PHACTR1: variants seen among roughly 807,000 people sequenced by gnomAD.
The protein encoded by PHACTR1 is phosphatase and actin regulator 1, also known as RPEL repeat containing 1.
A neutral mutation model predicts 69.2 loss-of-function variants in PHACTR1; 16 were observed. The observed-to-expected ratio is 0.23, with a 90% CI of 0.16 to 0.35. The LOEUF is 0.35. Among genes scored for constraint, PHACTR1 ranks in the 10% least tolerant of loss-of-function variants. The probability of loss-of-function intolerance (pLI) is 1.00; values close to 1 mark genes in which losing one functional copy is unlikely to be tolerated. For synonymous variants in PHACTR1, 312 were observed against 284.5 expected (o/e 1.10, Z -0.97); for missense variants, 510 against 734.7 (o/e 0.69, Z 3.54).
intron 4 of PHACTR1, among the ~76,000 whole-genome samples, chr6:12,884,601 C>T (rs1169628443): frequency 3.3e-5 from 5 of 152,120 alleles, no homozygotes; most frequent in Non-Finnish European, 5.9e-5. Flanking sequence ...CAGGGTTTCA[C>T]CATGTTAGCC....
rs556545672 is a variant in PHACTR1, at chr6:12,930,902, T to C, written c.251-122463T>C. Among the ~76,000 whole-genome samples, 23 of 150,232 alleles carry C rather than the reference T, an allele frequency of 1.5e-4. 1 individual carries two copies. In the South Asian group the frequency reaches 4.6e-3, roughly 30 times the overall value. The stretch of plus-strand genomic sequence containing the variant: ...CCCATCTCTACTAAAAATACAAAAA[T>C]TAGCTGGGCATGGTGGCACATGCCT... On this transcript the variant is annotated intron_variant, in intron 4 of 14. Transcript: ENST00000332995.
At chr6:12,856,648 A>G in intron 4 of PHACTR1, among the ~76,000 whole-genome samples, 1 of 152,212 alleles carries the variant, frequency 6.6e-6, no homozygotes, top group Non-Finnish European at 1.5e-5. Context: ...CTGTGATTAC[A>G]GCGAATCCCA....
chr6:12,865,621 G>T (rs550294343), intron 4 of PHACTR1, among the ~76,000 whole-genome samples: 1 of 152,250 alleles, frequency 6.6e-6, no homozygotes, highest in Admixed American at 6.5e-5. Flanking sequence ...CTGTAACAAA[G>T]CTTCACCATT....
rs74780254 is a variant in PHACTR1, at chr6:12,843,820, C to T, written c.250+94030C>T. Among the ~76,000 whole-genome samples the T allele has an allele frequency of 8.1e-4, 124 of 152,296 alleles. 2 individuals are homozygous for T. The East Asian group carries it at 0.023, about 29-fold the overall frequency. On this transcript the variant is annotated intron_variant, in intron 4 of 14. Coordinates refer to ENST00000332995, the MANE Select transcript of PHACTR1 (RefSeq NM_030948.6). ...ATCAATCAATAAAGTTCCCTTTACTCTTCACTGAAAACAGGTCAAGTCTGT... is the reference window on the plus strand; with the variant it reads ...ATCAATCAATAAAGTTCCCTTTACTTTTCACTGAAAACAGGTCAAGTCTGT...
intron 7 of PHACTR1, among the ~76,000 whole-genome samples, chr6:13,184,624 C>T (rs537656151): frequency 6.6e-6 from 1 of 152,350 alleles, no homozygotes; most frequent in South Asian, 2.1e-4. Flanking sequence ...CTCTGTCCTC[C>T]TGCTTCACTG....
intron 5 of PHACTR1, among the ~76,000 whole-genome samples, chr6:13,113,859 T>C (rs1227263986): frequency 6.6e-6 from 1 of 152,164 alleles, no homozygotes; most frequent in Non-Finnish European, 1.5e-5. Context: ...AAGACTAAAG[T>C]TGTAAGGCTG....
intron 5 of PHACTR1, among the ~76,000 whole-genome samples, chr6:13,104,331 A>G (rs1311669592): frequency 1.3e-5 from 2 of 152,220 alleles, no homozygotes; most frequent in African/African-American, 4.8e-5. Flanking sequence ...TGTTTTATGT[A>G]ATCTGGTGAA....
chr6:13,182,645 C>T lies in PHACTR1; in HGVS notation c.623C>T (p.Ser208Leu), dbSNP rs756458588. Reference sequence around the variant, plus strand: ...GTCCCAATGCCCAGGGATCCCTGCTCATATGAGGTGCTCCAACCGTCAGAC... The same window carrying T: ...GTCCCAATGCCCAGGGATCCCTGCTTATATGAGGTGCTCCAACCGTCAGAC... ...EPVPMPRDPC[S>L]YEVLQPSDIM... Residue 208 changes from serine to leucine, a missense_variant, in exon 7 of 15, where the codon TCA becomes TTA. Transcript: ENST00000332995. 4 of 1,597,038 alleles carry T rather than the reference C, an allele frequency of 2.5e-6. No homozygotes were observed. The highest frequency in any genetic ancestry group is 2.2e-5 in the East Asian group (1 of 44,550).
intron 4 of PHACTR1, among the ~76,000 whole-genome samples, chr6:12,935,595 C>T (rs1789356610): frequency 6.6e-6 from 1 of 151,802 alleles, no homozygotes; most frequent in Non-Finnish European, 1.5e-5. Context: ...GCATCTCAGA[C>T]AGTGACATAG....
intron 4 of PHACTR1, among the ~76,000 whole-genome samples, chr6:12,891,182 T>TG (rs892700983): frequency 6.6e-6 from 1 of 152,178 alleles, no homozygotes; most frequent in Non-Finnish European, 1.5e-5. Flanking sequence ...CAATTTTTCT[T>TG]GGGGGGATAA....
At chr6:12,921,854 G>A (rs1787760097) in intron 4 of PHACTR1, among the ~76,000 whole-genome samples, 1 of 142,234 alleles carries the variant, frequency 7.0e-6, no homozygotes, top group Admixed American at 7.0e-5. Flanking sequence ...AGGGAGGCAG[G>A]AAGGCAAGAA....
intron 4 of PHACTR1, among the ~76,000 whole-genome samples, chr6:12,773,470 G>A (rs1172179670): frequency 6.6e-6 from 1 of 152,134 alleles, no homozygotes; most frequent in African/African-American, 2.4e-5. Context: ...TTTAAACAAT[G>A]TATCGCTTCC....
At chr6:13,224,954 C>T (rs1769347806) in intron 8 of PHACTR1, among the ~76,000 whole-genome samples, 1 of 152,186 alleles carries the variant, frequency 6.6e-6, no homozygotes, top group African/African-American at 2.4e-5. Flanking sequence ...GGCGACTTCA[C>T]ATGCACCAGC....
At chr6:12,804,713 T>G (rs1230210969) in intron 4 of PHACTR1, among the ~76,000 whole-genome samples, 1 of 152,156 alleles carries the variant, frequency 6.6e-6, no homozygotes, top group African/African-American at 2.4e-5. Flanking sequence ...TCCCAGCTAC[T>G]GCTTGAGCCT....
At chr6:13,222,520 G>GATA (rs1768834028) in intron 8 of PHACTR1, among the ~76,000 whole-genome samples, 2 of 152,346 alleles carry the variant, frequency 1.3e-5, no homozygotes, top group Admixed American at 1.3e-4. Flanking sequence ...GAACTCACAT[G>GATA]AGAGGATCTG....
intron 6 of PHACTR1, among the ~76,000 whole-genome samples, chr6:13,161,422 C>A (rs1758991794): frequency 6.6e-6 from 1 of 152,128 alleles, no homozygotes; most frequent in South Asian, 2.1e-4. Context: ...AGTGAAATAA[C>A]AGACTGTCAC....
intron 4 of PHACTR1, among the ~76,000 whole-genome samples, chr6:12,842,778 T>A (rs1778828756): frequency 6.6e-6 from 1 of 152,118 alleles, no homozygotes; most frequent in Non-Finnish European, 1.5e-5. Context: ...ACTCTTGGCC[T>A]TAAGCAATCC....
intron 5 of PHACTR1, among the ~76,000 whole-genome samples, chr6:13,090,051 T>TTTG (rs201750438): frequency 0.021 from 3,133 of 152,200 alleles, 47 homozygotes; most frequent in Middle Eastern, 0.037. Flanking sequence ...TTTGGGTTTT[T>TTTG]TTGTTGTTGT....
intron 4 of PHACTR1, 140 bp downstream of exon 4, chr6:12,749,930 G>C (rs1416786980): frequency 1.9e-5 from 15 of 778,478 alleles, no homozygotes; most frequent in African/African-American, 3.6e-5. Context: ...TTGTGTCTCC[G>C]GTGCGCAGAG....
Sources: allele counts gnomAD v4.1 joint callset (sites outside exome capture counted in the v4.1 genomes callset), GRCh38; gene constraint gnomAD v4.1.1; transcripts MANE v1.5; gene names NCBI Gene and HGNC (gene_info 2026-07-23, HGNC 2026-07-21).